Variants in DLG1 observed in about 807,000 individuals in gnomAD.
DLG1 encodes discs large MAGUK scaffold protein 1.
Under a neutral mutation model 123.4 loss-of-function variants are expected in DLG1, and 42 were observed. The ratio of observed to expected loss-of-function variants is 0.34; its 90% CI spans 0.27 to 0.44. The LOEUF is 0.44. Among genes scored for constraint, DLG1 ranks in the 20% least tolerant of loss-of-function variants. The pLI is 1.00. For missense variants in DLG1, 942 were observed against 1,082.6 expected, an observed-to-expected ratio of 0.87 and a Z score of 1.82; for synonymous variants, 317 against 356.2, an observed-to-expected ratio of 0.89 and a Z score of 1.24.
At chr3:197,050,756 G>A (rs1276252001) in intron 24 of DLG1, among the ~76,000 whole-genome samples, 1 of 152,102 alleles carries the variant, frequency 6.6e-6, no homozygotes, top group African/African-American at 2.4e-5. Context: ...CAGCAGTAGT[G>A]ACTATTGTTA....
At chr3:197,248,295 G>C (rs924392373) in intron 4 of DLG1, among the ~76,000 whole-genome samples, 1 of 152,104 alleles carries the variant, frequency 6.6e-6, no homozygotes, top group Non-Finnish European at 1.5e-5. Flanking sequence ...AGAGTTACTT[G>C]GTTGCTGCGG....
chr3:197,052,451 T>C (rs944248804), intron 23 of DLG1, among the ~76,000 whole-genome samples: 2 of 151,892 alleles, frequency 1.3e-5, no homozygotes, highest in Non-Finnish European at 2.9e-5. Context: ...CGAGACTCTG[T>C]CTCCACAACA....
At chr3:197,249,829 T>G (rs141295672) in intron 4 of DLG1, among the ~76,000 whole-genome samples, 1 of 152,298 alleles carries the variant, frequency 6.6e-6, no homozygotes, top group East Asian at 1.9e-4. Flanking sequence ...ATTATTTCAA[T>G]AGATGCCAAA....
At chr3:197,056,630 T>C (rs919659348) in intron 23 of DLG1, among the ~76,000 whole-genome samples, 1 of 152,204 alleles carries the variant, frequency 6.6e-6, no homozygotes, top group African/African-American at 2.4e-5. Context: ...GGTTTTCTAT[T>C]TTTCTTTTCC....
At chr3:197,203,040 A>G (rs1726628235) in intron 4 of DLG1, among the ~76,000 whole-genome samples, 2 of 152,194 alleles carry the variant, frequency 1.3e-5, no homozygotes, top group South Asian at 4.1e-4. Flanking sequence ...TGGAAGGCTG[A>G]GGAAAGAAGA....
chr3:197,045,161 A>G (rs1180981285), intron 24 of DLG1, among the ~76,000 whole-genome samples: 2 of 151,710 alleles, frequency 1.3e-5, no homozygotes, highest in African/African-American at 4.8e-5. Context: ...TTACAGATTG[A>G]TACTACTTTT....
chr3:197,240,283 G>A (rs2150729133), intron 4 of DLG1, among the ~76,000 whole-genome samples: 1 of 152,248 alleles, frequency 6.6e-6, no homozygotes, highest in East Asian at 1.9e-4. Context: ...CCACACTACT[G>A]GGACATCCCC....
intron 11 of DLG1, among the ~76,000 whole-genome samples, chr3:197,122,465 GA>G (rs1776941008): frequency 6.6e-6 from 1 of 151,620 alleles, no homozygotes; most frequent in Non-Finnish European, 1.5e-5. Context: ...CATCAGACAA[GA>G]AAAAAGAAAA....
chr3:197,165,261 C>A (rs1561175239), intron 5 of DLG1, among the ~76,000 whole-genome samples: 1 of 152,172 alleles, frequency 6.6e-6, no homozygotes, highest in Non-Finnish European at 1.5e-5. Context: ...TTATTATGAT[C>A]TTTAAGTGTC....
Position 197,065,451 on chromosome 3 carries a change from T to G in DLG1, c.2201-3A>C, listed in dbSNP as rs778842073. On this transcript the variant is annotated splice_polypyrimidine_tract_variant and splice_region_variant and intron_variant, in intron 21 of 24. Coordinates refer to ENST00000667157, the MANE Select transcript of DLG1 (RefSeq NM_001366207.1). ...ATCTCGTTTTGGTCTAGTTGTATCT[T>G]TAACAGAAAAAAACTTGGGAAAGTG... 18 of 1,577,360 alleles carry G rather than the reference T, an allele frequency of 1.1e-5. No homozygotes were observed. The highest frequency in any genetic ancestry group is 1.7e-4 in the Middle Eastern group (1 of 5,878).
At chr3:197,151,576 T>C (rs1271372381) in intron 5 of DLG1, among the ~76,000 whole-genome samples, 1 of 152,250 alleles carries the variant, frequency 6.6e-6, no homozygotes, top group African/African-American at 2.4e-5. Flanking sequence ...TTGCTGCAGC[T>C]GGTGATGGGT....
At chr3:197,275,693 A>AG (rs1372604981) in intron 4 of DLG1, among the ~76,000 whole-genome samples, 2 of 152,218 alleles carry the variant, frequency 1.3e-5, no homozygotes, top group Non-Finnish European at 2.9e-5. Flanking sequence ...TAAAAAGCTG[A>AG]TCCCATGGAG....
chr3:197,179,526 A>G (rs1808978608), intron 5 of DLG1, among the ~76,000 whole-genome samples: 1 of 152,230 alleles, frequency 6.6e-6, no homozygotes, highest in Non-Finnish European at 1.5e-5. Context: ...GTTTGAATGT[A>G]CTGCGCTATC....
chr3:197,107,634 T>C (rs1443865117), intron 13 of DLG1, among the ~76,000 whole-genome samples: 6 of 152,104 alleles, frequency 3.9e-5, no homozygotes, highest in Non-Finnish European at 7.3e-5. Flanking sequence ...TTAAGTATTT[T>C]ATTCTTTTTG....
intron 4 of DLG1, among the ~76,000 whole-genome samples, chr3:197,262,769 G>T (rs1190086067): frequency 6.6e-6 from 1 of 152,186 alleles, no homozygotes; most frequent in Admixed American, 6.5e-5. Context: ...CACTGGAAAA[G>T]CTTCACCAAA....
At chr3:197,047,048 C>A (rs1327130735) in intron 24 of DLG1, among the ~76,000 whole-genome samples, 1 of 152,126 alleles carries the variant, frequency 6.6e-6, no homozygotes, top group Non-Finnish European at 1.5e-5. Flanking sequence ...CAATACAGCA[C>A]GTGAGCCTCC....
chr3:197,145,048 C>CTG (rs914560158), intron 6 of DLG1, among the ~76,000 whole-genome samples: 1 of 142,240 alleles, frequency 7.0e-6, no homozygotes, highest in Non-Finnish European at 1.5e-5. Context: ...TGCTCTCTCT[C>CTG]TCTCTCTCAC....
chr3:197,202,889 G>A (rs1413409429), intron 4 of DLG1, among the ~76,000 whole-genome samples: 2 of 152,070 alleles, frequency 1.3e-5, no homozygotes, highest in Non-Finnish European at 2.9e-5. Context: ...TGCTGTCCGT[G>A]TCAGAGAACG....
At chr3:197,086,937 T>A (rs1395822474) in intron 15 of DLG1, among the ~76,000 whole-genome samples, 1 of 135,916 alleles carries the variant, frequency 7.4e-6, no homozygotes, top group Non-Finnish European at 1.6e-5. Flanking sequence ...ACAAAGGAAA[T>A]CACCCACAAT....
Sources: gnomAD v4.1 joint callset for allele counts (sites outside exome capture counted in the v4.1 genomes callset) on GRCh38, gnomAD v4.1.1 for gene constraint, MANE v1.5 for transcripts, NCBI Gene and HGNC (gene_info 2026-07-23, HGNC 2026-07-21) for gene names.